The following RABGAP1L variants were observed in gnomAD, a reference collection of about 807,000 sequenced individuals.
The protein encoded by RABGAP1L is RAB GTPase activating protein 1 like, also known as rab GTPase-activating protein 1-like.
A neutral mutation model predicts 137.7 loss-of-function variants in RABGAP1L; 63 were observed. That is an observed-to-expected ratio of 0.46 (90% confidence interval 0.37 to 0.56). RABGAP1L has a LOEUF of 0.56. Ranked by LOEUF, RABGAP1L falls within the 20% of genes least tolerant of loss-of-function variation. The pLI, the probability that RABGAP1L is intolerant of heterozygous loss-of-function variation, is 0.00. For missense variants in RABGAP1L, 1,095 were observed against 1,244.0 expected, an observed-to-expected ratio of 0.88 and a Z score of 1.80; for synonymous variants, 431 against 433.7, an observed-to-expected ratio of 0.99 and a Z score of 0.08.
intron 19 of RABGAP1L, among the ~76,000 whole-genome samples, chr1:174,883,177 A>G (rs536726369): frequency 2.0e-4 from 30 of 152,294 alleles, no homozygotes; most frequent in Admixed American, 3.3e-4. Flanking sequence ...TAGATTCGCT[A>G]CTTACCAGTG....
At chr1:174,239,132 A>G (rs930376599) in intron 4 of RABGAP1L, among the ~76,000 whole-genome samples, 5 of 151,970 alleles carry the variant, frequency 3.3e-5, no homozygotes, top group African/African-American at 7.2e-5. Context: ...CGGCTCGCGC[A>G]CCGTGCGCGC....
chr1:174,843,357 C>T (rs1286073796), intron 19 of RABGAP1L, among the ~76,000 whole-genome samples: 1 of 151,018 alleles, frequency 6.6e-6, no homozygotes, highest in Non-Finnish European at 1.5e-5. Flanking sequence ...AGGTATATCT[C>T]CCAATGCTAT....
At chr1:174,697,655 G>A (rs1679366333) in intron 15 of RABGAP1L, among the ~76,000 whole-genome samples, 1 of 152,164 alleles carries the variant, frequency 6.6e-6, no homozygotes, top group South Asian at 2.1e-4. Flanking sequence ...ATTTTGTATA[G>A]CCATTTGAGT....
chr1:174,452,776 T>C (rs1285246754), intron 13 of RABGAP1L, among the ~76,000 whole-genome samples: 1 of 152,098 alleles, frequency 6.6e-6, no homozygotes, highest in Non-Finnish European at 1.5e-5. Context: ...TTAGTCAGGA[T>C]GGTCTTGATC....
At chr1:174,243,160 AG>A (rs1671970568) in intron 5 of RABGAP1L, 3 of 152,210 alleles carry the variant, frequency 2.0e-5, no homozygotes, top group Admixed American at 1.3e-4. Context: ...AATTGCTGCA[AG>A]AAGTTTCCAT....
intron 14 of RABGAP1L, among the ~76,000 whole-genome samples, chr1:174,637,982 A>G (rs757518381): frequency 5.1e-4 from 77 of 152,224 alleles, no homozygotes; most frequent in Admixed American, 1.4e-3. Context: ...CTCCCTCATT[A>G]TAAGTAGGCC....
chr1:174,359,994 A>G (rs927369730), intron 11 of RABGAP1L, among the ~76,000 whole-genome samples: 3 of 152,044 alleles, frequency 2.0e-5, no homozygotes, highest in Non-Finnish European at 4.4e-5. Flanking sequence ...ATTTGCTTTT[A>G]CCTCTCCCTT....
chr1:174,886,903 T>A (rs1655257959), intron 19 of RABGAP1L, among the ~76,000 whole-genome samples: 2 of 151,898 alleles, frequency 1.3e-5, no homozygotes, highest in Non-Finnish European at 2.9e-5. Flanking sequence ...GCCTTCCAGG[T>A]TCAAGCAATC....
At chr1:174,677,248 G>T (rs900772388) in intron 14 of RABGAP1L, among the ~76,000 whole-genome samples, 43 of 152,108 alleles carry the variant, frequency 2.8e-4, no homozygotes, top group African/African-American at 9.7e-4. Context: ...TTTGAGCCTG[G>T]GAGGTGGAGG....
intron 13 of RABGAP1L, among the ~76,000 whole-genome samples, chr1:174,420,138 A>G (rs1651079657): frequency 6.6e-6 from 1 of 151,978 alleles, no homozygotes; most frequent in Non-Finnish European, 1.5e-5. Flanking sequence ...TTAATTTAAA[A>G]TGTTCTATCA....
At chr1:174,223,945 T>G (rs909390464) in intron 3 of RABGAP1L, among the ~76,000 whole-genome samples, 4 of 152,162 alleles carry the variant, frequency 2.6e-5, no homozygotes, top group Admixed American at 2.6e-4. Flanking sequence ...TCGCTTCACA[T>G]ACCACTGGGG....
At chr1:174,742,241 A>G (rs1350613195) in intron 17 of RABGAP1L, among the ~76,000 whole-genome samples, 1 of 151,680 alleles carries the variant, frequency 6.6e-6, no homozygotes, top group Non-Finnish European at 1.5e-5. Context: ...AAAGGGGGCC[A>G]GATGCGGTGG....
At chr1:174,919,410 C>G (rs992560799) in intron 19 of RABGAP1L, among the ~76,000 whole-genome samples, 7 of 152,192 alleles carry the variant, frequency 4.6e-5, no homozygotes, top group Non-Finnish European at 7.3e-5. Context: ...ACACCTACTT[C>G]GGCTTCTCCG....
At chr1:174,747,451 C>G (rs1202884103) in intron 17 of RABGAP1L, among the ~76,000 whole-genome samples, 1 of 143,000 alleles carries the variant, frequency 7.0e-6, no homozygotes, top group Non-Finnish European at 1.5e-5. Context: ...AAGTTCTTTT[C>G]TGAATTCCAT....
chr1:174,859,313 C>G (rs184397519), intron 19 of RABGAP1L, among the ~76,000 whole-genome samples: 78 of 152,012 alleles, frequency 5.1e-4, no homozygotes, highest in African/African-American at 1.7e-3. Flanking sequence ...AACGCCATCT[C>G]TACTAAAAAT....
chr1:174,486,090 A>G (rs1184249489), intron 13 of RABGAP1L, among the ~76,000 whole-genome samples: 5 of 151,744 alleles, frequency 3.3e-5, no homozygotes, highest in Admixed American at 2.0e-4. Context: ...GAATTTATAC[A>G]TTTCTTCCAG....
At chr1:174,585,820 G>T (rs559275265) in intron 13 of RABGAP1L, among the ~76,000 whole-genome samples, 1 of 152,082 alleles carries the variant, frequency 6.6e-6, no homozygotes, top group Non-Finnish European at 1.5e-5. Flanking sequence ...CAGGCAAAAA[G>T]ATAGAAGTTG....
intron 1 of RABGAP1L, among the ~76,000 whole-genome samples, chr1:174,188,573 T>C (rs561452445): frequency 6.6e-6 from 1 of 152,376 alleles, no homozygotes; most frequent in East Asian, 1.9e-4. Flanking sequence ...GAAAGTTTTA[T>C]GGATTTGTTA....
At position 174,504,665 on chromosome 1, in the gene RABGAP1L, TA is replaced by T. The variant is rs1409096731; in HGVS notation, c.1710+110521del. ...AATAAATGGTCCTAGGAAAACTGGATATCCATGTGCAGAATAATGAAATTAG... is the reference window on the plus strand; with the variant it reads ...AATAAATGGTCCTAGGAAAACTGGATTCCATGTGCAGAATAATGAAATTAG... On this transcript the variant is annotated intron_variant, in intron 13 of 25. Coordinates refer to ENST00000681986, the MANE Select transcript of RABGAP1L (RefSeq NM_001366446.1). Among the ~76,000 whole-genome samples, 48 of 152,132 alleles carry T rather than the reference TA, an allele frequency of 3.2e-4. 2 individuals carry two copies. Among genetic ancestry groups the T allele is most frequent in the Admixed American group, 3.1e-3 (48 of 15,280 alleles).
Sources: allele counts gnomAD v4.1 joint callset (sites outside exome capture counted in the v4.1 genomes callset), GRCh38; gene constraint gnomAD v4.1.1; transcripts MANE v1.5; gene names NCBI Gene and HGNC (gene_info 2026-07-23, HGNC 2026-07-21).